The following MYH7 variants were observed in gnomAD, a reference collection of about 807,000 sequenced individuals.
MYH7 encodes the protein myosin heavy chain 7.
In MYH7, 129 loss-of-function variants were observed where a neutral mutation model predicts 225.4. That is an observed-to-expected ratio of 0.57 (90% confidence interval 0.50 to 0.66). The LOEUF is 0.66. Among genes scored for constraint, MYH7 ranks in the 30% least tolerant of loss-of-function variants. The pLI is 0.00. For synonymous variants in MYH7, 971 were observed against 1,007.6 expected, an observed-to-expected ratio of 0.96 and a Z score of 0.69; for missense variants, 1,649 against 2,517.0, an observed-to-expected ratio of 0.66 and a Z score of 7.38.
chr14:23,414,405 G>A (rs1892099436), intron 37 of MYH7, among the ~76,000 whole-genome samples: 1 of 152,172 alleles, frequency 6.6e-6, no homozygotes, highest in African/African-American at 2.4e-5. Flanking sequence ...GAAGTCCCCT[G>A]CTCTGGACCT....
chr14:23,414,244 T>A (rs770018043), intron 37 of MYH7, 142 bp from the exon 38 acceptor site: 90 of 701,602 alleles, frequency 1.3e-4, no homozygotes, highest in Non-Finnish European at 1.9e-4. Flanking sequence ...CTCCTTATAA[T>A]TTCTTACCAA....
In MYH7 at chr14:23,433,043, A is replaced by G; in HGVS notation, c.345+41T>C. Reference sequence around the variant, plus strand: ...CTCCTGGGGTGGACATGGATGGAGCAAGAACAGAGATCCCAACGTAGGGCC... The same window carrying G: ...CTCCTGGGGTGGACATGGATGGAGCGAGAACAGAGATCCCAACGTAGGGCC... On this transcript the variant is annotated intron_variant, in intron 4 of 39. Coordinates refer to ENST00000355349, the MANE Select transcript of MYH7 (RefSeq NM_000257.4). This position sits in a 1 kb window ranked among gnomAD's most constrained non-coding sequence, Gnocchi z 4.1. The G allele has an allele frequency of 3.1e-6, 5 of 1,613,924 alleles. No homozygotes were observed. Among genetic ancestry groups the G allele is most frequent in the Non-Finnish European group, 4.2e-6 (5 of 1,179,898 alleles).
chr14:23,416,389 T>C, intron 33 of MYH7, 77 bp from the exon 34 acceptor site: 2 of 1,488,978 alleles, frequency 1.3e-6, no homozygotes, highest in South Asian at 1.2e-5. Flanking sequence ...TCACTAATCA[T>C]GGATACGAAG....
rs554759793 is a variant in MYH7, at chr14:23,421,067, G to A, written c.3246-19C>T. ...GTCTTTTCTGTGGGGAAGGAGGGATGGTGAGGTAAGGGAGACTCGTGGGGC... is the reference window on the plus strand; with the variant it reads ...GTCTTTTCTGTGGGGAAGGAGGGATAGTGAGGTAAGGGAGACTCGTGGGGC... On this transcript the variant is annotated intron_variant, in intron 25 of 39. Coordinates refer to ENST00000355349, the MANE Select transcript of MYH7 (RefSeq NM_000257.4). 1 of 1,602,622 alleles carries A rather than the reference G, an allele frequency of 6.2e-7. No individual in the cohort carries two copies. Among genetic ancestry groups the A allele is most frequent in the African/African-American group, 1.3e-5 (1 of 74,802 alleles).
rs113617870 is a variant in MYH7, at chr14:23,427,550, G to A, written c.1888+35C>T. On this transcript the variant is annotated intron_variant, in intron 16 of 39. Coordinates refer to ENST00000355349, the MANE Select transcript of MYH7 (RefSeq NM_000257.4). The stretch of plus-strand genomic sequence containing the variant: ...GGCTCAGAACCTTGGCAGAATCCCT[G>A]CTCCTCTGTACCGGGAGCCTCAGTC... 2.6e-5 allele frequency: 42 copies of A among 1,611,236 alleles called. No homozygotes were observed. The African/African-American group carries it at 4.3e-4, about 16-fold the overall frequency.
rs727505070 is a variant in MYH7 at position 23,415,846 on chromosome 14, G to C, written c.4954-14C>G. 5 of 1,614,204 alleles carry C rather than the reference G, an allele frequency of 3.1e-6. No homozygotes were observed. The South Asian group carries it at 4.4e-5, about 14-fold the overall frequency. ...AATCTGGGTGTCCTGAGGATCAGGAGAGTGGGCATGAGCAGGGAGCCAGCC... is the reference window on the plus strand; with the variant it reads ...AATCTGGGTGTCCTGAGGATCAGGACAGTGGGCATGAGCAGGGAGCCAGCC... On this transcript the variant is annotated splice_polypyrimidine_tract_variant and intron_variant, in intron 34 of 39. Coordinates refer to ENST00000355349, the MANE Select transcript of MYH7 (RefSeq NM_000257.4). The surrounding 1 kb of genome is among the most constrained non-coding windows in gnomAD (Gnocchi z 6.3).
intron 12 of MYH7, among the ~76,000 whole-genome samples, 200 bp downstream of exon 12, chr14:23,429,575 C>G (rs768158263): frequency 9.9e-5 from 15 of 151,616 alleles, no homozygotes; most frequent in Admixed American, 9.9e-4. Context: ...ACTCGGGAGG[C>G]TGAGGCAGGA....
rs1360649783 is a variant in MYH7, at chr14:23,424,091, A to G, written c.2738T>C (p.Ile913Thr). 6.2e-7 allele frequency: 1 copy of G among 1,614,106 alleles called. No homozygotes were observed. Among genetic ancestry groups the G allele is most frequent in the Non-Finnish European group, 8.5e-7 (1 of 1,180,024 alleles). The part of the protein sequence containing the change: ...ERCDQLIKNK[I>T]QLEAKVKEMN... ...CTCCTTCACCTTGGCCTCCAGCTGA[A>G]TCTTGTTTTTGATCAGCTGATCACA... is the stretch of plus-strand genomic sequence containing the variant. The change falls in exon 23 of 40, where the codon ATT (isoleucine) becomes ACT (threonine). Residue 913 changes from isoleucine to threonine, a missense_variant. Ile to Thr is a moderately conservative substitution (Grantham distance 89, BLOSUM62 -1). Coordinates refer to ENST00000355349, the MANE Select transcript of MYH7 (RefSeq NM_000257.4).
At chr14:23,413,692 T>C in intron 39 of MYH7, 67 bp downstream of exon 39, 1 of 1,607,452 alleles carries the variant, frequency 6.2e-7, no homozygotes, top group South Asian at 1.1e-5. Flanking sequence ...CATCCCGGGT[T>C]TGAGGGTGCT....
chr14:23,421,779 G>A, intron 25 of MYH7: 1 of 985,438 alleles, frequency 1.0e-6, no homozygotes, highest in Non-Finnish European at 1.2e-6. Context: ...TCTTTAATGT[G>A]AGGGCATTTC....
chr14:23,425,612 A>G lies in MYH7; in HGVS notation c.2286+83T>C, dbSNP rs1892663301. On this transcript the variant is annotated intron_variant, in intron 20 of 39. Transcript: ENST00000355349. The surrounding 1 kb of genome is among the most constrained non-coding windows in gnomAD (Gnocchi z 4.6). ...TAGCATACAGGTAAGAGATTTTGCT[A>G]AGATGATTACAACAGGAAAAGCATC... 4 of 1,608,336 alleles carry G rather than the reference A, an allele frequency of 2.5e-6. No homozygotes were observed. The highest frequency in any genetic ancestry group is 3.4e-6 in the Non-Finnish European group (4 of 1,176,676).
chr14:23,431,002 G>A lies in MYH7; in HGVS notation c.797-3C>T. On this transcript the variant is annotated splice_region_variant and splice_polypyrimidine_tract_variant and intron_variant, in intron 9 of 39. Transcript: ENST00000355349. Reference sequence around the variant, plus strand: ...AACTCTGGATTTTTCCAGAAGATCTGTGAACAGGTGGGGAGAAGAAGGAGA... The same window carrying A: ...AACTCTGGATTTTTCCAGAAGATCTATGAACAGGTGGGGAGAAGAAGGAGA... 6.2e-7 allele frequency: 1 copy of A among 1,601,316 alleles called. No homozygotes were observed. Among genetic ancestry groups the A allele is most frequent in the Non-Finnish European group, 8.6e-7 (1 of 1,168,318 alleles).
At chr14:23,428,440 G>T in intron 15 of MYH7, 60 bp downstream of exon 15, 1 of 1,610,504 alleles carries the variant, frequency 6.2e-7, no homozygotes. Context: ...CTGCTATTTT[G>T]TCTATGGTGT....
At position 23,432,721 on chromosome 14, in the gene MYH7, A is replaced by G. The variant is rs1892999399; in HGVS notation, c.420T>C (p.Ala140=). Residue 140 remains alanine, a synonymous_variant, in exon 5 of 40, where the codon GCT becomes GCC. Coordinates refer to ENST00000355349, the MANE Select transcript of MYH7 (RefSeq NM_000257.4). ...WLPVYTPEVV[A]AYRGKKRSEA... ...CGCTCCTCTTCTTGCCCCGGTAGGC[A>G]GCCACCACCTCAGGAGTGTACACCG... 1 of 1,614,030 alleles carries G rather than the reference A, an allele frequency of 6.2e-7. No individual in the cohort carries two copies. The highest frequency in any genetic ancestry group is 1.7e-5 in the Admixed American group (1 of 59,996).
In MYH7 at chr14:23,425,564, GC is replaced by G; in HGVS notation, c.2286+130del. Reference sequence around the variant, plus strand: ...CTGGAGCTGGGATGAGGGGAGTGGTGCTAGATGTTCCACTGGGAGGGGTAGC... The same window carrying G: ...CTGGAGCTGGGATGAGGGGAGTGGTGTAGATGTTCCACTGGGAGGGGTAGC... On this transcript the variant is annotated intron_variant, in intron 20 of 39. Coordinates refer to ENST00000355349, the MANE Select transcript of MYH7 (RefSeq NM_000257.4). The surrounding 1 kb of genome is among the most constrained non-coding windows in gnomAD (Gnocchi z 4.6). The G allele has an allele frequency of 6.4e-7, 1 of 1,572,406 alleles. No homozygotes were observed. Among genetic ancestry groups the G allele is most frequent in the Non-Finnish European group, 8.7e-7 (1 of 1,151,368 alleles).
In MYH7 at chr14:23,427,255, C is replaced by T. The variant is rs750008566; in HGVS notation, c.1941G>A (p.Val647=). 1 of 1,614,004 alleles carries T rather than the reference C, an allele frequency of 6.2e-7. No individual in the cohort carries two copies. The highest frequency in any genetic ancestry group is 8.5e-7 in the Non-Finnish European group (1 of 1,180,020). ...KAKKGSSFQT[V]SALHRENLNK... is the part of the protein sequence containing the mutation. ...TCCCACTCACCCTGTGCAGAGCTGA[C>T]ACAGTCTGAAAGGACGAGCCTTTCT... is the stretch of plus-strand genomic sequence containing the variant. The change falls in exon 17 of 40, where the codon GTG becomes GTA. Residue 647 remains valine, a synonymous_variant. Coordinates refer to ENST00000355349, the MANE Select transcript of MYH7 (RefSeq NM_000257.4).
rs760218400 is a variant in MYH7 at position 23,415,083 on chromosome 14, T to C, written c.5471A>G (p.Asn1824Ser). 81 of 1,613,744 alleles carry C rather than the reference T, an allele frequency of 5.0e-5. No individual in the cohort carries two copies. Among genetic ancestry groups the C allele is most frequent in the Middle Eastern group, 1.7e-4 (1 of 6,056 alleles). ...KLEARVRELENELEAEQKRNA... is the reference protein window; with the variant it reads ...KLEARVRELESELEAEQKRNA... ...GCGCTTCTGCTCGGCCTCCAGCTCA[T>C]TCTCCAGCTCCCGCACCCGCGCTTC... The change falls in exon 37 of 40, where the codon AAT (asparagine) becomes AGT (serine). Residue 1824 changes from asparagine (N) to serine (S), a missense_variant. Physicochemically the swap from Asn to Ser is conservative, Grantham distance 46. This residue lies in a region of MYH7 where 687 missense variants were observed against 913.8 expected (regional missense o/e 0.75). Transcript: ENST00000355349. The surrounding 1 kb of genome is among the most constrained non-coding windows in gnomAD (Gnocchi z 6.3).
In MYH7 at chr14:23,416,043, C is replaced by T. The variant is rs778651539; in HGVS notation, c.4914G>A (p.Glu1638=). The T allele has an allele frequency of 6.2e-7, 1 of 1,614,196 alleles. No homozygotes were observed. The highest frequency in any genetic ancestry group is 8.5e-7 in the Non-Finnish European group (1 of 1,180,034). Reference sequence around the variant, plus strand: ...GGAGGCTCTTGACTTGCTTCTGGGCCTCGGCGGCCATGCGGTTGGCGTGGC... The same window carrying T: ...GGAGGCTCTTGACTTGCTTCTGGGCTTCGGCGGCCATGCGGTTGGCGTGGC... The part of the protein sequence containing the change: ...QLSHANRMAA[E]AQKQVKSLQS... The change falls in exon 34 of 40, where the codon GAG becomes GAA. Residue 1638 remains glutamate (E), a synonymous_variant. Coordinates refer to ENST00000355349, the MANE Select transcript of MYH7 (RefSeq NM_000257.4).
At chr14:23,429,126 C>G (rs776973462) in intron 13 of MYH7, 22 bp from the exon 14 acceptor site, 1 of 1,614,232 alleles carries the variant, frequency 6.2e-7, no homozygotes, top group Admixed American at 1.7e-5. Context: ...AGGAGAGACC[C>G]ATATTGAGCA....
Sources: gnomAD v4.1 joint callset for allele counts (sites outside exome capture counted in the v4.1 genomes callset) on GRCh38, gnomAD v4.1.1 for gene constraint, gnomAD v4.1.1 regional missense constraint, Gnocchi (gnomAD v3.1) non-coding constraint, MANE v1.5 for transcripts, NCBI Gene and HGNC (gene_info 2026-07-23, HGNC 2026-07-21) for gene names.